USP32: variants seen among roughly 807,000 people sequenced by gnomAD.
USP32 encodes ubiquitin carboxyl-terminal hydrolase 32.
Under a neutral mutation model 204.8 loss-of-function variants are expected in USP32, and 59 were observed. That is an observed-to-expected ratio of 0.29 (90% CI 0.23 to 0.36). USP32 has a LOEUF of 0.36. Among genes scored for constraint, USP32 ranks in the 10% least tolerant of loss-of-function variants. USP32 has a pLI of 1.00. For missense variants in USP32, 1,160 were observed against 1,946.4 expected, an observed-to-expected ratio of 0.60 and a Z score of 7.60; for synonymous variants, 517 against 678.4, an observed-to-expected ratio of 0.76 and a Z score of 3.70.
intron 1 of USP32, among the ~76,000 whole-genome samples, chr17:60,356,228 A>G (rs1366826025): frequency 1.3e-5 from 2 of 152,212 alleles, no homozygotes; most frequent in African/African-American, 4.8e-5. Context: ...CTGCCTGAGA[A>G]AGCAGTGGCA....
chr17:60,184,827 A>C (rs558122412), intron 30 of USP32, among the ~76,000 whole-genome samples: 4 of 151,918 alleles, frequency 2.6e-5, no homozygotes, highest in Non-Finnish European at 5.9e-5. Flanking sequence ...AAAAAAAAAA[A>C]AACATATAAA....
intron 1 of USP32, among the ~76,000 whole-genome samples, chr17:60,406,768 C>T (rs2143048979): frequency 6.6e-6 from 1 of 152,324 alleles, no homozygotes; most frequent in South Asian, 2.1e-4. Context: ...CCTGCCTCAG[C>T]CTCCCAAAGT....
chr17:60,226,158 T>A lies in USP32; in HGVS notation c.1313A>T (p.His438Leu). 6 of 1,604,856 alleles carry A rather than the reference T, an allele frequency of 3.7e-6. No individual in the cohort carries two copies. The highest frequency in any genetic ancestry group is 5.1e-6 in the Non-Finnish European group (6 of 1,176,766). The change falls in exon 13 of 34, where the codon CAT (histidine) becomes CTT (leucine). Residue 438 changes from histidine to leucine, a missense_variant. Physicochemically the swap from His to Leu is moderately conservative, Grantham distance 99 (BLOSUM62 -3). Around this residue, in one of 8 missense-constraint regions of USP32, gnomAD observed 536 missense variants for 680.9 expected, o/e 0.79. Coordinates refer to ENST00000300896, the MANE Select transcript of USP32 (RefSeq NM_032582.4). ...GGKYSFGTAA[H>L]PMEQVEDRIG... ...TCTATCTTCGACCTGCTCCATAGGA[T>A]GGGCTGCAGTTCCAAATGAGTATTT...
At chr17:60,236,766 A>G (rs879859059) in intron 11 of USP32, among the ~76,000 whole-genome samples, 7 of 152,200 alleles carry the variant, frequency 4.6e-5, no homozygotes, top group Non-Finnish European at 5.9e-5. Context: ...ACCCTCAGCA[A>G]CAGGAAACCA....
intron 1 of USP32, among the ~76,000 whole-genome samples, chr17:60,409,764 G>A (rs994815008): frequency 4.6e-5 from 7 of 152,072 alleles, no homozygotes; most frequent in Non-Finnish European, 4.4e-5. Flanking sequence ...GCTTCCCTGG[G>A]TCACATTGGA....
At chr17:60,394,913 T>G (rs1283220997), upstream of USP32, among the ~76,000 whole-genome samples, 1 of 152,040 alleles carries the variant, frequency 6.6e-6, no homozygotes, top group Non-Finnish European at 1.5e-5. Context: ...CCGGCTAATT[T>G]TTGTATTTTT....
intron 2 of USP32, among the ~76,000 whole-genome samples, chr17:60,339,316 C>T (rs1347230817): frequency 3.3e-5 from 5 of 152,102 alleles, no homozygotes; most frequent in African/African-American, 1.2e-4. Flanking sequence ...AGCATGGTGG[C>T]TTACACCTGT....
chr17:60,239,729 ATTTC>A lies in USP32; in HGVS notation c.1137-3493_1137-3490del, dbSNP rs538408982. Among the ~76,000 whole-genome samples, 198 of 151,812 alleles carry A rather than the reference ATTTC, an allele frequency of 1.3e-3. 2 individuals are homozygous for A. Among genetic ancestry groups the A allele is most frequent in the Middle Eastern group, 0.01 (3 of 294 alleles). On this transcript the variant is annotated intron_variant, in intron 11 of 33. Coordinates refer to ENST00000300896, the MANE Select transcript of USP32 (RefSeq NM_032582.4). ...ATCATTCTCTTGGTTTCATTTATTT[ATTTC>A]TTTATTTATTAGTTTTTGAGATGGA...
intron 2 of USP32, among the ~76,000 whole-genome samples, chr17:60,311,535 G>C (rs2087853610): frequency 6.6e-6 from 1 of 152,054 alleles, no homozygotes. Flanking sequence ...AAAAAGGGTA[G>C]ATGTAGGCCG....
intron 29 of USP32, chr17:60,185,937 A>C (rs1251352415): frequency 7.8e-5 from 21 of 270,482 alleles, no homozygotes; most frequent in Non-Finnish European, 1.3e-4. Flanking sequence ...ATTGTGGTAC[A>C]TGTCTGTAGT....
intron 5 of USP32, among the ~76,000 whole-genome samples, chr17:60,287,243 TA>T (rs899074365): frequency 2.0e-5 from 3 of 152,206 alleles, no homozygotes; most frequent in Admixed American, 2.0e-4. Context: ...CTCAAATTTT[TA>T]AAAGATGGTT....
chr17:60,372,944 G>C (rs1410289512), intron 1 of USP32, among the ~76,000 whole-genome samples: 1 of 151,790 alleles, frequency 6.6e-6, no homozygotes, highest in Non-Finnish European at 1.5e-5. Context: ...CAAGGCAGGA[G>C]ACTTGAGCCC....
At chr17:60,193,043 G>T (rs1452255976) in intron 27 of USP32, 113 bp from the exon 28 acceptor site, 2 of 1,098,454 alleles carry the variant, frequency 1.8e-6, no homozygotes. Flanking sequence ...ATAGCAGTAC[G>T]CTCATGTTGA....
intron 1 of USP32, 144 bp from the exon 2 acceptor site, chr17:60,345,752 C>T (rs2088771059): frequency 1.1e-5 from 11 of 1,018,334 alleles, no homozygotes; most frequent in Non-Finnish European, 1.4e-5. Flanking sequence ...AAGGCCAAGG[C>T]AGGCGGATCA....
At chr17:60,330,048 C>T (rs1406519893) in intron 2 of USP32, among the ~76,000 whole-genome samples, 1 of 152,190 alleles carries the variant, frequency 6.6e-6, no homozygotes, top group Non-Finnish European at 1.5e-5. Flanking sequence ...CCTTTCCACT[C>T]ACTAGCTTCC....
intron 1 of USP32, among the ~76,000 whole-genome samples, chr17:60,406,357 T>A (rs2089976055): frequency 6.6e-6 from 1 of 151,260 alleles, no homozygotes; most frequent in South Asian, 2.1e-4. Context: ...TGTTGTATGT[T>A]TAGTAGAGAA....
intron 1 of USP32, among the ~76,000 whole-genome samples, chr17:60,411,488 C>T (rs1037252384): frequency 4.1e-5 from 6 of 144,708 alleles, no homozygotes; most frequent in African/African-American, 1.5e-4. Context: ...ACTCTAGCCT[C>T]GGTGACAAAG....
chr17:60,345,656 G>A (rs372250183), intron 1 of USP32, 48 bp from the exon 2 acceptor site: 339 of 1,611,144 alleles, frequency 2.1e-4, no homozygotes, highest in Non-Finnish European at 2.1e-4. Flanking sequence ...AGAGAAAAGA[G>A]GTGTCTCATA....
At chr17:60,347,418 A>G (rs1277822129) in intron 1 of USP32, among the ~76,000 whole-genome samples, 1 of 148,448 alleles carries the variant, frequency 6.7e-6, no homozygotes, top group Non-Finnish European at 1.5e-5. Flanking sequence ...CAGTGGCACG[A>G]TTTCTGCTCA....
Sources: allele counts gnomAD v4.1 joint callset (sites outside exome capture counted in the v4.1 genomes callset), GRCh38; gene constraint gnomAD v4.1.1; regional missense constraint gnomAD v4.1.1; transcripts MANE v1.5; gene names NCBI Gene and HGNC (gene_info 2026-07-23, HGNC 2026-07-21).